Variants in ANXA4 observed in about 807,000 individuals in gnomAD.
ANXA4 encodes annexin A4.
A neutral mutation model predicts 49.8 loss-of-function variants in ANXA4; 39 were observed. The observed-to-expected ratio is 0.78, with a 90% CI of 0.61 to 1.02. The LOEUF (loss-of-function observed/expected upper bound fraction) is 1.02, where lower values mean the gene tolerates loss of function less well. Among genes scored for constraint, ANXA4 ranks in the 50% least tolerant of loss-of-function variants. The pLI is 0.00. For synonymous variants in ANXA4, 134 were observed against 152.5 expected (o/e 0.88, Z 0.89); for missense variants, 360 against 410.1 (o/e 0.88, Z 1.05).
intron 3 of ANXA4, among the ~76,000 whole-genome samples, chr2:69,795,840 G>A (rs1428118239): frequency 6.6e-6 from 1 of 152,212 alleles, no homozygotes; most frequent in Non-Finnish European, 1.5e-5. Flanking sequence ...AAGAAGGCAT[G>A]TGTAAATAAT....
At chr2:69,747,258 A>T (rs1012818200) in intron 1 of ANXA4, among the ~76,000 whole-genome samples, 3 of 152,120 alleles carry the variant, frequency 2.0e-5, no homozygotes, top group African/African-American at 7.2e-5. Flanking sequence ...ACAGAATCTA[A>T]TATAAAGGGG....
chr2:69,709,980 G>GTTTTT (rs1559099138), intron 2 of ANXA4, among the ~76,000 whole-genome samples: 2 of 139,634 alleles, frequency 1.4e-5, no homozygotes. Flanking sequence ...GCACTTCCAG[G>GTTTTT]CTTTTTTTTT....
intron 2 of ANXA4, among the ~76,000 whole-genome samples, chr2:69,716,511 A>C (rs987936791): frequency 6.6e-6 from 1 of 152,182 alleles, no homozygotes; most frequent in Admixed American, 6.5e-5. Context: ...GGCGAGAGCC[A>C]CATCAGGGAA....
intron 2 of ANXA4, among the ~76,000 whole-genome samples, chr2:69,671,453 A>G (rs1413473162): frequency 1.3e-5 from 2 of 152,250 alleles, no homozygotes; most frequent in Non-Finnish European, 2.9e-5. Flanking sequence ...ATGGTGGCTC[A>G]TGCCCATAAT....
At chr2:69,700,171 C>T (rs1053270429) in intron 2 of ANXA4, 57 of 152,044 alleles carry the variant, frequency 3.7e-4, no homozygotes, top group African/African-American at 1.3e-3. Context: ...TCTTGTAAAC[C>T]GACGAAGCTC....
chr2:69,756,934 A>AT (rs201747072), intron 1 of ANXA4, among the ~76,000 whole-genome samples: 59 of 135,368 alleles, frequency 4.4e-4, no homozygotes, highest in Non-Finnish European at 7.1e-4. Context: ...ATTAATTATT[A>AT]TTTTTTTTTT....
At chr2:69,658,798 G>T (rs1284316980) in intron 2 of ANXA4, among the ~76,000 whole-genome samples, 3 of 152,102 alleles carry the variant, frequency 2.0e-5, no homozygotes, top group Admixed American at 1.3e-4. Flanking sequence ...TGGTTCAAGC[G>T]ATTCTCCTGC....
Position 69,807,911 on chromosome 2 carries a change from C to T in ANXA4, c.312C>T (p.Ala104=), listed in dbSNP as rs375477161. Residue 104 remains alanine (A), a synonymous_variant, in exon 6 of 13, where the codon GCC becomes GCT. Coordinates refer to ENST00000394295, the MANE Select transcript of ANXA4 (RefSeq NM_001153.5). ...VQELRRAMKG[A]GTDEGCLIEI... Reference sequence around the variant, plus strand: ...TCCTCTGGTTTCTTGTTTAGGGAGCCGGCACTGATGAGGGCTGCCTAATTG... The same window carrying T: ...TCCTCTGGTTTCTTGTTTAGGGAGCTGGCACTGATGAGGGCTGCCTAATTG... 1.2e-5 allele frequency: 20 copies of T among 1,613,862 alleles called. No homozygotes were observed. Among genetic ancestry groups the T allele is most frequent in the Middle Eastern group, 1.6e-4 (1 of 6,082 alleles).
intron 2 of ANXA4, among the ~76,000 whole-genome samples, chr2:69,667,668 T>C (rs1676989307): frequency 6.6e-6 from 1 of 152,176 alleles, no homozygotes; most frequent in Admixed American, 6.5e-5. Context: ...CCTCTCCACA[T>C]AGCATGTGAT....
At chr2:69,694,587 T>C (rs1451373634) in intron 2 of ANXA4, among the ~76,000 whole-genome samples, 1 of 139,602 alleles carries the variant, frequency 7.2e-6, no homozygotes, top group African/African-American at 2.7e-5. Context: ...TGTGTTCTCA[T>C]TGTTCAATTC....
chr2:69,651,339 C>A (rs1473809761), intron 1 of ANXA4, among the ~76,000 whole-genome samples: 1 of 152,176 alleles, frequency 6.6e-6, no homozygotes, highest in East Asian at 1.9e-4. Context: ...CCACTGCACT[C>A]CACCCTAGGG....
intron 2 of ANXA4, chr2:69,713,499 T>C (rs1678749219): frequency 1.3e-5 from 2 of 152,224 alleles, no homozygotes; most frequent in Admixed American, 1.3e-4. Flanking sequence ...ACTTCTACCA[T>C]AGCTGCTTCC....
chr2:69,819,215 C>T (rs1674128197), intron 10 of ANXA4, 65 bp from the exon 11 acceptor site: 1 of 1,197,068 alleles, frequency 8.4e-7, no homozygotes, highest in Non-Finnish European at 1.2e-6. Flanking sequence ...AAACAACTGT[C>T]ACTTTTCTTT....
chr2:69,752,674 A>G (rs564045783), intron 1 of ANXA4, among the ~76,000 whole-genome samples: 4 of 152,220 alleles, frequency 2.6e-5, no homozygotes, highest in Non-Finnish European at 4.4e-5. Context: ...CACTGAGGGC[A>G]GGGACGATGC....
intron 2 of ANXA4, among the ~76,000 whole-genome samples, chr2:69,685,449 G>T (rs1476055147): frequency 6.6e-6 from 1 of 152,190 alleles, no homozygotes; most frequent in Non-Finnish European, 1.5e-5. Flanking sequence ...GTACGCACAG[G>T]TGCTGGCTAA....
At chr2:69,663,293 C>CTTTTTTTTTTTTTT (rs55970370) in intron 2 of ANXA4, among the ~76,000 whole-genome samples, 5 of 42,836 alleles carry the variant, frequency 1.2e-4, no homozygotes, top group African/African-American at 9.2e-5. Flanking sequence ...TGCACCCGGC[C>CTTTTTTTTTTTTTT]TTTTTTTTTT....
intron 12 of ANXA4, among the ~76,000 whole-genome samples, chr2:69,825,043 G>C: frequency 7.0e-6 from 1 of 143,580 alleles, no homozygotes; most frequent in East Asian, 2.0e-4. Context: ...CTCCAGCCTG[G>C]GTGACAGAAC....
At chr2:69,650,749 A>G (rs963226491) in intron 1 of ANXA4, among the ~76,000 whole-genome samples, 11 of 152,334 alleles carry the variant, frequency 7.2e-5, no homozygotes, top group African/African-American at 2.2e-4. Context: ...CACTGTGCCC[A>G]GCTAGAGCTT....
chr2:69,651,125 G>C (rs1347330181), intron 1 of ANXA4, among the ~76,000 whole-genome samples: 3 of 152,108 alleles, frequency 2.0e-5, no homozygotes, highest in African/African-American at 7.2e-5. Context: ...GAATTGATTT[G>C]AGAGTGTTCC....
Sources: gnomAD v4.1 joint callset for allele counts (sites outside exome capture counted in the v4.1 genomes callset) on GRCh38, gnomAD v4.1.1 for gene constraint, MANE v1.5 for transcripts, NCBI Gene and HGNC (gene_info 2026-07-23, HGNC 2026-07-21) for gene names.